DEPDC5: variants seen among roughly 807,000 people sequenced by gnomAD.
DEPDC5 encodes the protein DEP domain containing 5, GATOR1 subcomplex subunit.
A neutral mutation model predicts 217.3 loss-of-function variants in DEPDC5; 73 were observed. The ratio of observed to expected loss-of-function variants is 0.34; its 90% CI spans 0.28 to 0.41. DEPDC5 has a LOEUF of 0.41. Ranked by LOEUF, DEPDC5 falls within the 10% of genes least tolerant of loss-of-function variation. The pLI, the probability that DEPDC5 is intolerant of heterozygous loss-of-function variation, is 1.00. For missense variants in DEPDC5, 1,675 were observed against 2,070.1 expected (o/e 0.81, Z 3.70); for synonymous variants, 733 against 756.7 (o/e 0.97, Z 0.51).
At chr22:31,901,666 G>T in intron 40 of DEPDC5, 76 bp from the exon 41 acceptor site, 2 of 1,296,630 alleles carry the variant, frequency 1.5e-6, no homozygotes. Flanking sequence ...AGTAGTAAAG[G>T]GTACAGAAGA....
At chr22:31,778,216 T>C (rs1359130309) in intron 8 of DEPDC5, 48 bp downstream of exon 8, 3 of 1,563,098 alleles carry the variant, frequency 1.9e-6, no homozygotes, top group South Asian at 1.1e-5. Context: ...CATACTATTA[T>C]GGCTAAGTCC....
chr22:31,809,419 A>G (rs933282314), intron 18 of DEPDC5, among the ~76,000 whole-genome samples, 192 bp from the exon 19 acceptor site: 1 of 152,172 alleles, frequency 6.6e-6, no homozygotes, highest in Non-Finnish European at 1.5e-5. Flanking sequence ...CCCCCAGTGG[A>G]CAGGTTTGTG....
chr22:31,867,042 A>G (rs1339025914), intron 33 of DEPDC5, among the ~76,000 whole-genome samples: 1 of 152,166 alleles, frequency 6.6e-6, no homozygotes, highest in Non-Finnish European at 1.5e-5. Context: ...AGGGGGGAGT[A>G]TCTACATATG....
intron 7 of DEPDC5, 45 bp downstream of exon 7, chr22:31,768,908 T>C: frequency 6.2e-7 from 1 of 1,607,248 alleles, no homozygotes; most frequent in Non-Finnish European, 8.5e-7. Context: ...GTAACTGGGC[T>C]ACATAAAGCA....
intron 4 of DEPDC5, among the ~76,000 whole-genome samples, chr22:31,764,088 C>T (rs973338897): frequency 7.2e-5 from 11 of 151,956 alleles, no homozygotes; most frequent in Admixed American, 5.9e-4. Context: ...CACCACGACA[C>T]CTGGCTAAAT....
chr22:31,871,637 G>A (rs2092845944), intron 34 of DEPDC5, among the ~76,000 whole-genome samples: 1 of 152,202 alleles, frequency 6.6e-6, no homozygotes, highest in African/African-American at 2.4e-5. Flanking sequence ...TGGAGAGGCT[G>A]CCCAATGCAT....
intron 20 of DEPDC5, chr22:31,814,327 T>C (rs1002023486): frequency 5.3e-5 from 8 of 152,298 alleles, no homozygotes; most frequent in African/African-American, 1.9e-4. Flanking sequence ...ACCATTATCA[T>C]TGGTAACAAA....
chr22:31,792,611 A>G, intron 11 of DEPDC5, 134 bp from the exon 12 acceptor site: 1 of 458,998 alleles, frequency 2.2e-6, no homozygotes, highest in Non-Finnish European at 3.4e-6. Flanking sequence ...GTCTCAAAAA[A>G]AAAAAAAAAA....
chr22:31,834,205 C>T lies in DEPDC5; in HGVS notation c.2170+225C>T, dbSNP rs116143013. The T allele has an allele frequency of 2.5e-3, 1,375 of 556,384 alleles. 15 individuals are homozygous for T. Among genetic ancestry groups the T allele is most frequent in the African/African-American group, 0.022 (1,162 of 53,942 alleles). The allele number at this position is 556,384 out of a possible 1,614,324, so 34.5% of individuals were successfully genotyped here. ...TGTTTTGGAAGGTGATTCAGGGGCA[C>T]CTGGGAAAGGTAGCAGATTCCCTAT... On this transcript the variant is annotated intron_variant, in intron 25 of 42. Coordinates refer to ENST00000651528, the MANE Select transcript of DEPDC5 (RefSeq NM_001242896.3).
At chr22:31,848,104 A>T (rs932352239) in intron 31 of DEPDC5, among the ~76,000 whole-genome samples, 1 of 152,266 alleles carries the variant, frequency 6.6e-6, no homozygotes, top group African/African-American at 2.4e-5. Flanking sequence ...CATTCAGGGC[A>T]TGCTGATACA....
At chr22:31,803,545 C>T (rs2087124035) in intron 15 of DEPDC5, among the ~76,000 whole-genome samples, 2 of 152,088 alleles carry the variant, frequency 1.3e-5, no homozygotes, top group African/African-American at 4.8e-5. Flanking sequence ...ACTATCAGGT[C>T]ATCTAGTCCA....
At chr22:31,848,450 G>A (rs1486149533) in intron 31 of DEPDC5, among the ~76,000 whole-genome samples, 1 of 152,192 alleles carries the variant, frequency 6.6e-6, no homozygotes, top group African/African-American at 2.4e-5. Context: ...TGTACCTGCA[G>A]GCTCAACACC....
intron 8 of DEPDC5, among the ~76,000 whole-genome samples, chr22:31,781,620 G>A (rs1291863246): frequency 6.6e-6 from 1 of 151,846 alleles, no homozygotes; most frequent in Non-Finnish European, 1.5e-5. Context: ...AGTAGAGATG[G>A]GGTTTCACCA....
chr22:31,837,305 T>TA, intron 26 of DEPDC5, 150 bp downstream of exon 26: 1 of 701,132 alleles, frequency 1.4e-6, no homozygotes, highest in Middle Eastern at 3.2e-4. Context: ...GGCCGTTAAA[T>TA]AAAAAATTTT....
chr22:31,825,901 C>G (rs1168524441), intron 24 of DEPDC5, among the ~76,000 whole-genome samples: 1 of 152,178 alleles, frequency 6.6e-6, no homozygotes, highest in Non-Finnish European at 1.5e-5. Flanking sequence ...GCTCCAGGAT[C>G]TTAGGACATG....
At chr22:31,773,531 A>G (rs2083541112) in intron 7 of DEPDC5, among the ~76,000 whole-genome samples, 1 of 152,074 alleles carries the variant, frequency 6.6e-6, no homozygotes, top group African/African-American at 2.4e-5. Flanking sequence ...ATCTGTCCTG[A>G]TATTTTGCTC....
chr22:31,861,513 A>G, intron 33 of DEPDC5, 80 bp downstream of exon 33: 6 of 1,448,750 alleles, frequency 4.1e-6, no homozygotes, highest in Non-Finnish European at 5.7e-6. Flanking sequence ...CTCTGAACAC[A>G]TGGAATTGGG....
chr22:31,813,557 C>T (rs772985168), intron 20 of DEPDC5, among the ~76,000 whole-genome samples: 29 of 152,182 alleles, frequency 1.9e-4, no homozygotes, highest in African/African-American at 5.5e-4. Context: ...AGGGCAGCCC[C>T]GTTGGTGGGC....
At chr22:31,896,956 A>G (rs1026133699) in intron 39 of DEPDC5, among the ~76,000 whole-genome samples, 3 of 152,180 alleles carry the variant, frequency 2.0e-5, no homozygotes, top group African/African-American at 7.2e-5. Flanking sequence ...GTCTCTACTA[A>G]AAATACAAAA....
Sources: gnomAD v4.1 joint callset for allele counts (sites outside exome capture counted in the v4.1 genomes callset) on GRCh38, gnomAD v4.1.1 for gene constraint, MANE v1.5 for transcripts, NCBI Gene and HGNC (gene_info 2026-07-23, HGNC 2026-07-21) for gene names.